Variants in TMEFF2 observed in about 807,000 individuals in gnomAD.
TMEFF2 encodes the protein tomoregulin-2.
In TMEFF2, 28 loss-of-function variants were observed where a neutral mutation model predicts 53.8. That is an observed-to-expected ratio of 0.52 (90% confidence interval 0.39 to 0.71). The LOEUF (loss-of-function observed/expected upper bound fraction) is 0.71. TMEFF2 is among the 30% of genes least tolerant of loss of function. The probability of loss-of-function intolerance (pLI) is 0.00; values close to 1 mark genes in which losing one functional copy is unlikely to be tolerated. For synonymous variants in TMEFF2, 162 were observed against 166.3 expected (o/e 0.97, Z 0.20); for missense variants, 353 against 455.2 (o/e 0.78, Z 2.04).
At chr2:191,960,862 G>T (rs1027692488) in intron 7 of TMEFF2, among the ~76,000 whole-genome samples, 2 of 152,198 alleles carry the variant, frequency 1.3e-5, no homozygotes, top group African/African-American at 4.8e-5. Context: ...TGGTGGTATT[G>T]AAAGGAGCTG....
At chr2:191,958,720 C>T (rs955440967) in intron 7 of TMEFF2, among the ~76,000 whole-genome samples, 7 of 152,188 alleles carry the variant, frequency 4.6e-5, no homozygotes, top group Non-Finnish European at 8.8e-5. Context: ...AATTAGTTTA[C>T]ACTATTCCTT....
chr2:192,183,925 T>C (rs1691249304), intron 3 of TMEFF2, among the ~76,000 whole-genome samples: 1 of 152,086 alleles, frequency 6.6e-6, no homozygotes, highest in Non-Finnish European at 1.5e-5. Flanking sequence ...AGATTAGACG[T>C]CAACTTCAGA....
In TMEFF2 at chr2:192,194,213, G is replaced by T; in HGVS notation, c.172+140C>A. ...TGCAACAGTTCCCCTTGTTTCTCTG[G>T]ATAGAGGTGGGTGGTATTAGGGGTC... On this transcript the variant is annotated intron_variant, in intron 1 of 9. Transcript: ENST00000272771. The surrounding 1 kb of genome is among the most constrained non-coding windows in gnomAD (Gnocchi z 4.2). 1 of 1,013,126 alleles carries T rather than the reference G, an allele frequency of 9.9e-7. No homozygotes were observed. The highest frequency in any genetic ancestry group is 2.5e-5 in the East Asian group (1 of 40,780). The allele number at this position is 1,013,126 out of a possible 1,614,324, so 62.8% of individuals were successfully genotyped here.
chr2:192,079,850 G>A (rs142604110), intron 4 of TMEFF2, among the ~76,000 whole-genome samples: 1 of 152,218 alleles, frequency 6.6e-6, no homozygotes, highest in Non-Finnish European at 1.5e-5. Context: ...TACAGCCTAG[G>A]AAGATAGAAA....
At chr2:192,007,067 G>C (rs1331455918) in intron 5 of TMEFF2, among the ~76,000 whole-genome samples, 1 of 152,136 alleles carries the variant, frequency 6.6e-6, no homozygotes, top group Non-Finnish European at 1.5e-5. Context: ...ATCCCCTATT[G>C]AGAAATCTCA....
rs576901777 is a variant in TMEFF2 at position 192,136,102 on chromosome 2, G to A, written c.439+43566C>T. 7.2e-5 allele frequency among the ~76,000 whole-genome samples: 11 copies of A among 152,188 alleles called. 1 individual carries two copies. The South Asian group carries it at 1.5e-3, about 20-fold the overall frequency. ...TGTTTGGTGGTCTCTTCACACAGAC[G>A]CGCATGAAAGAGTATTTTTCCTTTT... On this transcript the variant is annotated intron_variant, in intron 4 of 9. Transcript: ENST00000272771.
At chr2:192,097,716 G>A (rs1365232621) in intron 4 of TMEFF2, among the ~76,000 whole-genome samples, 2 of 152,102 alleles carry the variant, frequency 1.3e-5, no homozygotes, top group Middle Eastern at 3.2e-3. Context: ...TCCATTATTA[G>A]TATTTATTAA....
Position 191,949,459 on chromosome 2 carries a change from G to A in TMEFF2, c.*852C>T. 1 of 985,338 alleles carries A rather than the reference G, an allele frequency of 1.0e-6. No individual in the cohort carries two copies. The highest frequency in any genetic ancestry group is 4.7e-5 in the South Asian group (1 of 21,286). The allele number at this position is 985,338 out of a possible 1,614,324, so 61.0% of individuals were successfully genotyped here. On this transcript the variant is annotated 3_prime_UTR_variant, in exon 10 of 10. Coordinates refer to ENST00000272771, the MANE Select transcript of TMEFF2 (RefSeq NM_016192.4). ...TATACATATTGTATGGTGCTTTTGA[G>A]AATTCACGATTTTGGTGTTTCACAT...
At chr2:192,049,132 T>C (rs1355746565) in intron 5 of TMEFF2, among the ~76,000 whole-genome samples, 2 of 141,852 alleles carry the variant, frequency 1.4e-5, no homozygotes, top group East Asian at 4.2e-4. Flanking sequence ...CCTGAATATA[T>C]AAGATAGATA....
intron 7 of TMEFF2, 138 bp from the exon 8 acceptor site, chr2:191,956,516 G>A: frequency 9.7e-7 from 1 of 1,032,862 alleles, no homozygotes; most frequent in Non-Finnish European, 1.3e-6. Flanking sequence ...TCAGAAATAA[G>A]AGGAAGAAAG....
chr2:192,167,752 G>A (rs923760724), intron 4 of TMEFF2, among the ~76,000 whole-genome samples: 7 of 152,120 alleles, frequency 4.6e-5, no homozygotes, highest in Admixed American at 2.6e-4. Context: ...GAAGTTAATG[G>A]ATGAAACAGA....
chr2:191,990,437 T>TGTGTGTGTGTGTGTG (rs1553510920), intron 7 of TMEFF2, among the ~76,000 whole-genome samples: 25 of 2,658 alleles, frequency 9.4e-3, no homozygotes, highest in African/African-American at 0.016. Context: ...GTGTGTGTGT[T>TGTGTGTGTGTGTGTG]GTTTTTGTTC....
chr2:191,988,334 T>G (rs1333576645), intron 7 of TMEFF2, among the ~76,000 whole-genome samples: 1 of 152,122 alleles, frequency 6.6e-6, no homozygotes, highest in Non-Finnish European at 1.5e-5. Flanking sequence ...CTGTAGGGAA[T>G]GAGTGAGTGG....
chr2:192,060,808 T>C (rs1419062456), intron 4 of TMEFF2, among the ~76,000 whole-genome samples: 1 of 152,202 alleles, frequency 6.6e-6, no homozygotes, highest in Admixed American at 6.5e-5. Flanking sequence ...CATGCATTTA[T>C]ATTGTAAGCT....
At chr2:192,093,423 C>CCAAA (rs3053732) in intron 4 of TMEFF2, among the ~76,000 whole-genome samples, 148,437 of 152,032 alleles carry the variant, frequency 0.98, 72,482 homozygotes, top group Middle Eastern at 1. Flanking sequence ...TTTGGGACTC[C>CCAAA]CAGACTCTTT....
intron 4 of TMEFF2, among the ~76,000 whole-genome samples, chr2:192,118,150 T>C (rs944222309): frequency 6.6e-6 from 1 of 152,114 alleles, no homozygotes; most frequent in Non-Finnish European, 1.5e-5. Flanking sequence ...GTAATGACTT[T>C]CAGTCTCAAT....
At chr2:192,075,949 AAAGGAAAGAAGGAAGCAAAG>A (rs552089300) in intron 4 of TMEFF2, among the ~76,000 whole-genome samples, 96 of 152,062 alleles carry the variant, frequency 6.3e-4, no homozygotes, top group East Asian at 5.4e-3. Context: ...AAGATGGAAG[AAAGGAAAGAAGGAAGCAAAG>A]AAGGAAAGAA....
Position 191,998,242 on chromosome 2 carries a change from T to C in TMEFF2, c.745+20A>G. ...TTTTAATAGAAGAGCTCACATTTTG[T>C]AGAAGAAAATATTATGTACCTGCAT... On this transcript the variant is annotated intron_variant, in intron 7 of 9. Coordinates refer to ENST00000272771, the MANE Select transcript of TMEFF2 (RefSeq NM_016192.4). The C allele has an allele frequency of 6.4e-7, 1 of 1,570,448 alleles. No homozygotes were observed. The highest frequency in any genetic ancestry group is 1.2e-5 in the South Asian group (1 of 85,628).
intron 4 of TMEFF2, among the ~76,000 whole-genome samples, chr2:192,095,072 A>G (rs1402404448): frequency 6.6e-6 from 1 of 152,160 alleles, no homozygotes; most frequent in Non-Finnish European, 1.5e-5. Flanking sequence ...AGCAACAGAA[A>G]TGGATGTATT....
Sources: allele counts gnomAD v4.1 joint callset (sites outside exome capture counted in the v4.1 genomes callset), GRCh38; gene constraint gnomAD v4.1.1; non-coding constraint Gnocchi (gnomAD v3.1); transcripts MANE v1.5; gene names NCBI Gene and HGNC (gene_info 2026-07-23, HGNC 2026-07-21).